The following MKRN2 variants were observed in gnomAD, a reference collection of about 807,000 sequenced individuals.
The protein encoded by MKRN2 is E3 ubiquitin-protein ligase makorin-2.
In MKRN2, 32 loss-of-function variants were observed where a neutral mutation model predicts 45.4. That is an observed-to-expected ratio of 0.70 (90% CI 0.53 to 0.95). The LOEUF is 0.95. Ranked by LOEUF, MKRN2 falls within the 40% of genes least tolerant of loss-of-function variation. MKRN2 has a pLI of 0.00. For missense variants in MKRN2, 526 were observed against 536.7 expected, an observed-to-expected ratio of 0.98 and a Z score of 0.20; for synonymous variants, 206 against 192.4, an observed-to-expected ratio of 1.07 and a Z score of -0.59.
rs2058199300 is a variant in MKRN2 at position 12,583,204 on chromosome 3, T to C, written c.*951T>C. On this transcript the variant is annotated 3_prime_UTR_variant, in exon 8 of 8. Coordinates refer to ENST00000170447, the MANE Select transcript of MKRN2 (RefSeq NM_014160.5). ...GTTTCTGATTCTGACCCAGCAGTGGTCCTGAAGAGAGCTGATGGCAAGTCT... is the reference window on the plus strand; with the variant it reads ...GTTTCTGATTCTGACCCAGCAGTGGCCCTGAAGAGAGCTGATGGCAAGTCT... 1 of 152,350 alleles carries C rather than the reference T, an allele frequency of 6.6e-6. No homozygotes were observed. The highest frequency in any genetic ancestry group is 2.4e-5 in the African/African-American group (1 of 41,562). The allele number at this position is 152,350 out of a possible 1,614,324, so 9.4% of individuals were successfully genotyped here. A position where few individuals can be genotyped will look rare whatever the true frequency, so the allele number is the denominator to read the frequency against.
chr3:12,577,828 A>G (rs1364856635), intron 6 of MKRN2, among the ~76,000 whole-genome samples: 2 of 152,080 alleles, frequency 1.3e-5, no homozygotes, highest in Non-Finnish European at 2.9e-5. Flanking sequence ...GGCATGCACC[A>G]CTGCACCTGG....
At chr3:12,561,123 G>C (rs2058033576) in intron 1 of MKRN2, 1 of 152,214 alleles carries the variant, frequency 6.6e-6, no homozygotes, top group South Asian at 2.1e-4. Flanking sequence ...CTTGAAGGCA[G>C]TGATGGTGGT....
chr3:12,583,619 T>C lies in MKRN2; in HGVS notation c.*1366T>C, dbSNP rs2058208798. The C allele has an allele frequency of 1.3e-5, 3 of 232,066 alleles. No individual in the cohort carries two copies. The highest frequency in any genetic ancestry group is 2.6e-5 in the Non-Finnish European group (3 of 117,332). The allele number at this position is 232,066 out of a possible 1,614,324, so 14.4% of individuals were successfully genotyped here. On this transcript the variant is annotated 3_prime_UTR_variant, in exon 8 of 8. Coordinates refer to ENST00000170447, the MANE Select transcript of MKRN2 (RefSeq NM_014160.5). ...CCAGCCATTACACCTAAATTTAATT[T>C]ATTTTATTAAAATAACATAATTGAG...
intron 1 of MKRN2, among the ~76,000 whole-genome samples, chr3:12,562,720 T>C (rs1046648168): frequency 6.6e-6 from 1 of 152,044 alleles, no homozygotes; most frequent in Non-Finnish European, 1.5e-5. Flanking sequence ...GCAGCAGCAT[T>C]AGATTCTAAT....
intron 3 of MKRN2, 92 bp downstream of exon 3, chr3:12,570,344 C>G: frequency 9.4e-6 from 12 of 1,282,532 alleles, no homozygotes; most frequent in Non-Finnish European, 1.2e-5. Flanking sequence ...GTCAAGAGGA[C>G]TCCTAACCTA....
At chr3:12,574,148 C>T (rs2058116862) in intron 4 of MKRN2, among the ~76,000 whole-genome samples, 1 of 152,174 alleles carries the variant, frequency 6.6e-6, no homozygotes, top group Non-Finnish European at 1.5e-5. Flanking sequence ...TCCAGGGAAG[C>T]AGAGGGTTAG....
At chr3:12,559,336 T>A (rs2058015379) in intron 1 of MKRN2, among the ~76,000 whole-genome samples, 1 of 152,232 alleles carries the variant, frequency 6.6e-6, no homozygotes, top group South Asian at 2.1e-4. Context: ...AACAAAAGCC[T>A]TGTCTCTAGA....
chr3:12,565,407 G>A (rs190347314), intron 1 of MKRN2, among the ~76,000 whole-genome samples: 3 of 151,886 alleles, frequency 2.0e-5, no homozygotes, highest in South Asian at 2.1e-4. Flanking sequence ...GCTAGAATAC[G>A]TCATAGGTTG....
At position 12,582,131 on chromosome 3, in the gene MKRN2, C is replaced by T. The variant is rs763839801; in HGVS notation, c.1129C>T (p.Arg377Trp). Residue 377 changes from arginine to tryptophan, a missense_variant, in exon 8 of 8, where the codon CGG (arginine) becomes TGG (tryptophan). Arg to Trp is a moderately radical substitution (Grantham distance 101). Transcript: ENST00000170447. ...GTTTTTGCAGTTCTTTAATTCAGTG[C>T]GGCTCTGGGATTTCATCGAGAACCG... is the stretch of plus-strand genomic sequence containing the variant. ...QGTVRFFNSV[R>W]LWDFIENRES... 1.5e-5 allele frequency: 24 copies of T among 1,613,982 alleles called. No homozygotes were observed. In the Admixed American group the frequency reaches 1.5e-4, roughly 10 times the overall value.
intron 1 of MKRN2, among the ~76,000 whole-genome samples, chr3:12,565,439 A>G (rs2058063631): frequency 6.6e-6 from 1 of 151,174 alleles, no homozygotes; most frequent in Admixed American, 6.6e-5. Context: ...ATTTTGGGTC[A>G]TATCAGCAGG....
chr3:12,560,770 C>T (rs2058030631), intron 1 of MKRN2: 1 of 152,362 alleles, frequency 6.6e-6, no homozygotes, highest in Non-Finnish European at 1.5e-5. Context: ...CTCTGAGTCT[C>T]CAGCTATGCA....
chr3:12,579,666 G>A (rs1212413269), intron 6 of MKRN2, among the ~76,000 whole-genome samples: 2 of 152,140 alleles, frequency 1.3e-5, no homozygotes, highest in Non-Finnish European at 2.9e-5. Context: ...GAAGGACATG[G>A]GCACAGAAGG....
At chr3:12,574,528 G>A (rs1485372392) in intron 4 of MKRN2, among the ~76,000 whole-genome samples, 2 of 152,214 alleles carry the variant, frequency 1.3e-5, no homozygotes, top group East Asian at 1.9e-4. Flanking sequence ...TTGGATCTCC[G>A]TGTTCTCAGT....
chr3:12,575,796 C>T (rs951274595), intron 5 of MKRN2, among the ~76,000 whole-genome samples: 1 of 152,178 alleles, frequency 6.6e-6, no homozygotes, highest in Non-Finnish European at 1.5e-5. Flanking sequence ...TTGTGCCTGG[C>T]CCCTTTCACT....
intron 3 of MKRN2, 25 bp downstream of exon 3, chr3:12,570,277 G>A: frequency 6.2e-7 from 1 of 1,601,020 alleles, no homozygotes; most frequent in Non-Finnish European, 8.5e-7. Context: ...GCCTTTTGTT[G>A]CGTCTTTTTG....
intron 6 of MKRN2, among the ~76,000 whole-genome samples, chr3:12,578,908 G>C (rs1009211980): frequency 8.6e-6 from 1 of 116,678 alleles, no homozygotes; most frequent in Non-Finnish European, 1.7e-5. Context: ...CAATCTTCCT[G>C]TGTGTCCACA....
At chr3:12,569,450 G>A (rs1382565050) in intron 2 of MKRN2, among the ~76,000 whole-genome samples, 2 of 151,950 alleles carry the variant, frequency 1.3e-5, no homozygotes, top group African/African-American at 4.8e-5. Flanking sequence ...GTGAGCCACC[G>A]TGCCTGGCCT....
intron 4 of MKRN2, 127 bp from the exon 5 acceptor site, chr3:12,574,665 T>C: frequency 2.3e-6 from 2 of 884,272 alleles, no homozygotes; most frequent in Non-Finnish European, 3.6e-6. Flanking sequence ...GGGCCTTTGC[T>C]CACAGCAGTC....
At chr3:12,579,200 G>A (rs766115929) in intron 6 of MKRN2, among the ~76,000 whole-genome samples, 1 of 152,004 alleles carries the variant, frequency 6.6e-6, no homozygotes, top group Non-Finnish European at 1.5e-5. Context: ...TTCGAGTCTC[G>A]CTCTGTCACC....
Sources: gnomAD v4.1 joint callset for allele counts (sites outside exome capture counted in the v4.1 genomes callset) on GRCh38, gnomAD v4.1.1 for gene constraint, MANE v1.5 for transcripts, NCBI Gene and HGNC (gene_info 2026-07-23, HGNC 2026-07-21) for gene names.